Variants in DIP2C observed in about 807,000 individuals in gnomAD.
DIP2C encodes disco-interacting protein 2 homolog C.
In DIP2C, 33 loss-of-function variants were observed where a neutral mutation model predicts 192.4. The ratio of observed to expected loss-of-function variants is 0.17; its 90% CI spans 0.13 to 0.23. DIP2C has a LOEUF of 0.23. DIP2C is among the 10% of genes least tolerant of loss of function. The pLI is 1.00. For missense variants in DIP2C, 1,537 were observed against 2,110.1 expected (o/e 0.73, Z 5.32); for synonymous variants, 979 against 864.1 (o/e 1.13, Z -2.33).
intron 1 of DIP2C, among the ~76,000 whole-genome samples, chr10:584,935 C>T (rs1358805805): frequency 1.5e-5 from 2 of 130,394 alleles, no homozygotes; most frequent in African/African-American, 6.0e-5. Flanking sequence ...CACTCACGCG[C>T]ATCACCTCTC....
chr10:387,212 C>A (rs900995571), intron 14 of DIP2C, among the ~76,000 whole-genome samples: 3 of 152,194 alleles, frequency 2.0e-5, no homozygotes, highest in African/African-American at 7.2e-5. Context: ...CACGTGAGCC[C>A]TGGAAGGCTG....
intron 3 of DIP2C, among the ~76,000 whole-genome samples, chr10:450,421 G>T (rs566550460): frequency 6.6e-6 from 1 of 152,274 alleles, no homozygotes; most frequent in East Asian, 1.9e-4. Context: ...ATAAAAGCTG[G>T]TATCAGTTAT....
chr10:366,130 T>C, intron 19 of DIP2C, 145 bp downstream of exon 19: 1 of 1,152,936 alleles, frequency 8.7e-7, no homozygotes, highest in Non-Finnish European at 1.2e-6. Flanking sequence ...CGATAAAAAG[T>C]GGTAAAGTGC....
At position 378,806 on chromosome 10, in the gene DIP2C, GAC is replaced by G. The variant is rs753323422; in HGVS notation, c.1991+3839_1991+3840del. Among the ~76,000 whole-genome samples the G allele has an allele frequency of 3.9e-3, 450 of 115,106 alleles. 1 individual carries two copies. The highest frequency in any genetic ancestry group is 0.018 in the Middle Eastern group (4 of 224). The allele number at this position is 115,106 out of a possible 152,430, so 75.5% of individuals were successfully genotyped here. On this transcript the variant is annotated intron_variant, in intron 17 of 36. Transcript: ENST00000280886. The stretch of plus-strand genomic sequence containing the variant: ...CTAGACACCCATGGACATGCATAAA[GAC>G]ACAAATGAACAGACATGCACAGATG...
At chr10:281,051 C>A in intron 36 of DIP2C, 149 bp downstream of exon 36, 2 of 1,159,310 alleles carry the variant, frequency 1.7e-6, no homozygotes, top group South Asian at 1.6e-5. Flanking sequence ...TGCTTTAACC[C>A]CAAAAGATAA....
chr10:347,243 A>G (rs1236169641), intron 26 of DIP2C, among the ~76,000 whole-genome samples: 4 of 123,484 alleles, frequency 3.2e-5, no homozygotes, highest in Admixed American at 8.0e-5. Flanking sequence ...GTTCTCCCGG[A>G]AACCCCACAC....
At chr10:277,685 C>T (rs939209492) in intron 36 of DIP2C, 108 bp from the exon 37 acceptor site, 128 of 1,440,992 alleles carry the variant, frequency 8.9e-5, no homozygotes, top group African/African-American at 1.9e-4. Flanking sequence ...GAGCACTGCC[C>T]GACAGTCTCC....
In DIP2C at chr10:439,518, G is replaced by C. The variant is rs544642030; in HGVS notation, c.394+1353C>G. Among the ~76,000 whole-genome samples, 88 of 152,332 alleles carry C rather than the reference G, an allele frequency of 5.8e-4. 2 individuals are homozygous for C. The highest frequency in any genetic ancestry group is 5.4e-3 in the Admixed American group (83 of 15,304). ...TGTGGTCCCAGGTGCTTGAGAGGCT[G>C]AAGTGGGAGGACCGCCTGAGCCCAG... is the stretch of plus-strand genomic sequence containing the variant. On this transcript the variant is annotated intron_variant, in intron 4 of 36. Coordinates refer to ENST00000280886, the MANE Select transcript of DIP2C (RefSeq NM_014974.3).
chr10:604,803 G>C (rs777915630), intron 1 of DIP2C, among the ~76,000 whole-genome samples: 1 of 152,190 alleles, frequency 6.6e-6, no homozygotes, highest in Non-Finnish European at 1.5e-5. Flanking sequence ...GGATAAGCAT[G>C]ATTTTCTTCT....
rs1831473081 is a variant in DIP2C at position 689,639 on chromosome 10, G to T, written c.-61C>A. On this transcript the variant is annotated 5_prime_UTR_variant, in exon 1 of 37. Transcript: ENST00000280886. The surrounding 1 kb of genome is among the most constrained non-coding windows in gnomAD (Gnocchi z 6.1). ...TTGTTCGCAGGCGGAGGTCTCGGCG[G>T]CTCCTCGCGCCCGGCGGAACCGCAC... is the stretch of plus-strand genomic sequence containing the variant. 2 of 1,037,794 alleles carry T rather than the reference G, an allele frequency of 1.9e-6. No individual in the cohort carries two copies. The highest frequency in any genetic ancestry group is 4.2e-5 in the South Asian group (1 of 23,638). 64.3% of individuals were successfully genotyped at this position (1,037,794 alleles called of 1,614,324 possible).
chr10:509,426 C>A (rs1845858951), intron 1 of DIP2C, among the ~76,000 whole-genome samples: 1 of 152,186 alleles, frequency 6.6e-6, no homozygotes, highest in Non-Finnish European at 1.5e-5. Flanking sequence ...CGCTGCTCCC[C>A]CTCCCACCCC....
At chr10:319,033 C>T (rs1345653398) in intron 31 of DIP2C, among the ~76,000 whole-genome samples, 2 of 152,062 alleles carry the variant, frequency 1.3e-5, no homozygotes, top group Non-Finnish European at 2.9e-5. Flanking sequence ...CTGCCTCAGC[C>T]TCCCGAGTAG....
chr10:590,906 C>T (rs571867234), intron 1 of DIP2C, among the ~76,000 whole-genome samples: 320 of 152,030 alleles, frequency 2.1e-3, no homozygotes, highest in Non-Finnish European at 3.9e-3. Flanking sequence ...AGCTTCATGG[C>T]GTGAGAATTC....
intron 1 of DIP2C, chr10:650,213 C>T (rs552746283): frequency 7.0e-6 from 5 of 717,266 alleles, no homozygotes; most frequent in South Asian, 4.4e-5. Context: ...GGAGGCCACA[C>T]GGGGAGGGCT....
intron 9 of DIP2C, among the ~76,000 whole-genome samples, chr10:401,810 C>T (rs1238318405): frequency 6.6e-6 from 1 of 151,314 alleles, no homozygotes; most frequent in Non-Finnish European, 1.5e-5. Context: ...TTCATCAGCA[C>T]ATGAATCCTA....
chr10:382,590 C>T lies in DIP2C; in HGVS notation c.1991+57G>A, dbSNP rs137969620. 6.9e-4 allele frequency: 958 copies of T among 1,382,272 alleles called. 11 individuals carry two copies. The East Asian group carries it at 0.015, about 21-fold the overall frequency. The allele number at this position is 1,382,272 out of a possible 1,614,324, so 85.6% of individuals were successfully genotyped here. On this transcript the variant is annotated intron_variant, in intron 17 of 36. Coordinates refer to ENST00000280886, the MANE Select transcript of DIP2C (RefSeq NM_014974.3). ...CTGTTAGGATTTCCTGATCTCCCTTCGCTGCTGAATTAGGACTGTCTCTAG... is the reference window on the plus strand; with the variant it reads ...CTGTTAGGATTTCCTGATCTCCCTTTGCTGCTGAATTAGGACTGTCTCTAG...
intron 1 of DIP2C, among the ~76,000 whole-genome samples, chr10:582,934 T>C (rs1020761345): frequency 2.0e-5 from 3 of 152,228 alleles, no homozygotes; most frequent in Non-Finnish European, 4.4e-5. Context: ...CTGATGTATA[T>C]TCAAGTGTTA....
At chr10:675,279 T>C (rs1830833288) in intron 1 of DIP2C, among the ~76,000 whole-genome samples, 1 of 151,958 alleles carries the variant, frequency 6.6e-6, no homozygotes, top group Non-Finnish European at 1.5e-5. Flanking sequence ...GCCTACGGTA[T>C]AGAGCAAAAG....
At chr10:427,624 TGAATAG>T (rs2133196171) in intron 4 of DIP2C, among the ~76,000 whole-genome samples, 1 of 152,266 alleles carries the variant, frequency 6.6e-6, no homozygotes, top group Non-Finnish European at 1.5e-5. Flanking sequence ...CAAATAGCTA[TGAATAG>T]GAATTAGCAC....
Sources: allele counts gnomAD v4.1 joint callset (sites outside exome capture counted in the v4.1 genomes callset), GRCh38; gene constraint gnomAD v4.1.1; non-coding constraint Gnocchi (gnomAD v3.1); transcripts MANE v1.5; gene names NCBI Gene and HGNC (gene_info 2026-07-23, HGNC 2026-07-21).